PIEZO2: variants seen among roughly 807,000 people sequenced by gnomAD.
PIEZO2 encodes the protein piezo type mechanosensitive ion channel component 2.
Under a neutral mutation model 337.3 loss-of-function variants are expected in PIEZO2, and 172 were observed. The observed-to-expected ratio is 0.51, with a 90% CI of 0.45 to 0.58. The LOEUF is 0.58. Among genes scored for constraint, PIEZO2 ranks in the 20% least tolerant of loss-of-function variants. The probability of loss-of-function intolerance (pLI) is 0.00; values close to 1 mark genes in which losing one functional copy is unlikely to be tolerated. For missense variants in PIEZO2, 3,028 were observed against 3,391.3 expected (o/e 0.89, Z 2.66); for synonymous variants, 1,251 against 1,228.5 (o/e 1.02, Z -0.38).
chr18:11,096,569 T>A lies in PIEZO2; in HGVS notation c.65-30347A>T, dbSNP rs891964886. On this transcript the variant is annotated intron_variant, in intron 1 of 55. Transcript: ENST00000674853. This position sits in a 1 kb window ranked among gnomAD's most constrained non-coding sequence, Gnocchi z 4.6. ...ATTCCCAGTTCTTTTCTGCAGGGATTTCCAAGAGAAACAGGAAGTGGTTGA... is the reference window on the plus strand; with the variant it reads ...ATTCCCAGTTCTTTTCTGCAGGGATATCCAAGAGAAACAGGAAGTGGTTGA... 6.6e-6 allele frequency among the ~76,000 whole-genome samples: 1 copy of A among 152,170 alleles called. No individual in the cohort carries two copies. The highest frequency in any genetic ancestry group is 1.5e-5 in the Non-Finnish European group (1 of 68,040).
At position 10,714,774 on chromosome 18, in the gene PIEZO2, T is replaced by C. The variant is rs1461910282; in HGVS notation, c.5413A>G (p.Ser1805Gly). 6 of 1,537,046 alleles carry C rather than the reference T, an allele frequency of 3.9e-6. No homozygotes were observed. Among genetic ancestry groups the C allele is most frequent in the Non-Finnish European group, 5.2e-6 (6 of 1,146,870 alleles). ...HRMDSLDSHD[S>G]ISSCYTEATM... ...TAGAAAGTGAAATACCTGGAGATAC[T>C]GTCATGTGAATCTAAACTATCCATC... Residue 1805 changes from serine (S) to glycine (G), a missense_variant, in exon 39 of 56, where the codon AGT becomes GGT. By Grantham distance (56) the Ser-to-Gly change is moderately conservative. Around this residue, in one of 5 missense-constraint regions of PIEZO2, gnomAD observed 1,925 missense variants for 2,051.9 expected, o/e 0.94. Coordinates refer to ENST00000674853, the MANE Select transcript of PIEZO2 (RefSeq NM_001378183.1).
In PIEZO2 at chr18:11,109,609, A is replaced by T. The variant is rs11080491; in HGVS notation, c.64+38916T>A. ...GGCATGCACCTGTAATCCCAGCTAC[A>T]CCGGAGGCTGAGGCAAGAGAATTGT... is the stretch of plus-strand genomic sequence containing the variant. On this transcript the variant is annotated intron_variant, in intron 1 of 55. Transcript: ENST00000674853. This position sits in a 1 kb window ranked among gnomAD's most constrained non-coding sequence, Gnocchi z 5.1. 0.59 allele frequency among the ~76,000 whole-genome samples: 89,123 copies of T among 151,748 alleles called. 26,760 individuals are homozygous for T. Among genetic ancestry groups the T allele is most frequent in the African/African-American group, 0.71 (29,509 of 41,368 alleles).
intron 47 of PIEZO2, among the ~76,000 whole-genome samples, chr18:10,695,002 C>T (rs1011155933): frequency 1.3e-5 from 2 of 152,214 alleles, no homozygotes; most frequent in African/African-American, 2.4e-5. Context: ...TGCTTGTGTA[C>T]ATAAAATCAG....
intron 1 of PIEZO2, among the ~76,000 whole-genome samples, chr18:11,144,507 G>C (rs1004415870): frequency 6.6e-6 from 1 of 152,110 alleles, no homozygotes; most frequent in Non-Finnish European, 1.5e-5. Context: ...GTGTGGAAGT[G>C]TGATTTCAAA....
chr18:11,054,826 G>C (rs1205622696), intron 2 of PIEZO2, among the ~76,000 whole-genome samples: 1 of 152,214 alleles, frequency 6.6e-6, no homozygotes, highest in Non-Finnish European at 1.5e-5. Flanking sequence ...GCATGGATGA[G>C]ATGATCCTGG....
At chr18:11,134,254 G>T (rs978467459) in intron 1 of PIEZO2, among the ~76,000 whole-genome samples, 2 of 152,180 alleles carry the variant, frequency 1.3e-5, no homozygotes, top group Non-Finnish European at 2.9e-5. Context: ...CCACTATGCT[G>T]CTGCTACACC....
Position 10,856,064 on chromosome 18 carries a change from A to C in PIEZO2, c.704-498T>G, listed in dbSNP as rs545977474. On this transcript the variant is annotated intron_variant, in intron 6 of 55. Transcript: ENST00000674853. This position sits in a 1 kb window ranked among gnomAD's most constrained non-coding sequence, Gnocchi z 4.7. ...ATTTTATTTTATTTTGTTTTGTTTT[A>C]TTTTATTTTATTTTTTGTAGGGATG... Among the ~76,000 whole-genome samples the C allele has an allele frequency of 6.7e-6, 1 of 148,776 alleles. No individual in the cohort carries two copies. The highest frequency in any genetic ancestry group is 1.5e-5 in the Non-Finnish European group (1 of 67,214).
Position 10,691,384 on chromosome 18 carries a change from C to T in PIEZO2, c.7191-1G>A. ...GGCAACCAGGTTCTGGCTGAATTTC[C>T]TAAAATGTAAAAGTACAGAAAGTGA... On this transcript the variant is annotated splice_acceptor_variant, in intron 47 of 55. Coordinates refer to ENST00000674853, the MANE Select transcript of PIEZO2 (RefSeq NM_001378183.1). LOFTEE classifies it high-confidence loss of function. The T allele has an allele frequency of 6.2e-7, 1 of 1,611,722 alleles. No individual in the cohort carries two copies. Among genetic ancestry groups the T allele is most frequent in the Non-Finnish European group, 8.5e-7 (1 of 1,179,074 alleles).
In PIEZO2 at chr18:10,962,465, G is replaced by A. The variant is rs1341545962; in HGVS notation, c.286+17070C>T. 6.6e-6 allele frequency among the ~76,000 whole-genome samples: 1 copy of A among 152,266 alleles called. No homozygotes were observed. The highest frequency in any genetic ancestry group is 1.5e-5 in the Non-Finnish European group (1 of 68,022). ...ATCCCAGGAGCTGCACGCAGGGCTCGCTCCTTGCTCCTTGGTGTAGAGTTC... is the reference window on the plus strand; with the variant it reads ...ATCCCAGGAGCTGCACGCAGGGCTCACTCCTTGCTCCTTGGTGTAGAGTTC... On this transcript the variant is annotated intron_variant, in intron 3 of 55. Transcript: ENST00000674853. This position sits in a 1 kb window ranked among gnomAD's most constrained non-coding sequence, Gnocchi z 4.1.
chr18:10,879,562 AT>A (rs1232476729), intron 4 of PIEZO2, among the ~76,000 whole-genome samples: 9 of 151,824 alleles, frequency 5.9e-5, no homozygotes, highest in South Asian at 2.1e-4. Flanking sequence ...CGCCTGGCTA[AT>A]TTTTTGTATT....
Position 11,002,904 on chromosome 18 carries a change from T to C in PIEZO2, c.161-23244A>G, listed in dbSNP as rs891393470. On this transcript the variant is annotated intron_variant, in intron 2 of 55. Coordinates refer to ENST00000674853, the MANE Select transcript of PIEZO2 (RefSeq NM_001378183.1). This position sits in a 1 kb window ranked among gnomAD's most constrained non-coding sequence, Gnocchi z 4.3. ...AGAACAGACCAATAGAAACATCCAA[T>C]GGGGATGTAAAGAATTTTCTTTAGT... is the stretch of plus-strand genomic sequence containing the variant. Among the ~76,000 whole-genome samples, 2 of 152,192 alleles carry C rather than the reference T, an allele frequency of 1.3e-5. No individual in the cohort carries two copies. The highest frequency in any genetic ancestry group is 4.8e-5 in the African/African-American group (2 of 41,448).
intron 2 of PIEZO2, among the ~76,000 whole-genome samples, chr18:10,987,294 T>C (rs2034912014): frequency 6.6e-6 from 1 of 152,084 alleles, no homozygotes; most frequent in African/African-American, 2.4e-5. Flanking sequence ...CATCACACTT[T>C]CTGATTTCAA....
At chr18:10,981,884 C>T (rs2034680352) in intron 2 of PIEZO2, among the ~76,000 whole-genome samples, 2 of 152,178 alleles carry the variant, frequency 1.3e-5, no homozygotes, top group African/African-American at 4.8e-5. Context: ...AGCTTTTGGA[C>T]TCCTGGACCC....
intron 8 of PIEZO2, among the ~76,000 whole-genome samples, chr18:10,806,439 C>G (rs78118631): frequency 6.6e-6 from 1 of 152,178 alleles, no homozygotes; most frequent in East Asian, 1.9e-4. Flanking sequence ...TCAGTCCTCC[C>G]CTCAGAAATG....
At chr18:10,788,922 AT>A (rs1334178234) in intron 15 of PIEZO2, among the ~76,000 whole-genome samples, 156 bp downstream of exon 15, 3 of 152,198 alleles carry the variant, frequency 2.0e-5, no homozygotes, top group Non-Finnish European at 4.4e-5. Flanking sequence ...GAAGACAGTC[AT>A]TTCCCATTTT....
chr18:11,045,057 A>T (rs1246059467), intron 2 of PIEZO2, among the ~76,000 whole-genome samples: 2 of 151,994 alleles, frequency 1.3e-5, no homozygotes, highest in Admixed American at 6.6e-5. Context: ...GCACTTTGGG[A>T]GGCCAAAGTG....
In PIEZO2 at chr18:10,916,511, A is replaced by G. The variant is rs372490404; in HGVS notation, c.287-5283T>C. 3.2e-3 allele frequency among the ~76,000 whole-genome samples: 488 copies of G among 152,226 alleles called. 4 individuals carry two copies. Among genetic ancestry groups the G allele is most frequent in the African/African-American group, 0.01 (418 of 41,550 alleles). ...TGCTGGGGGACCCAGTTCCCCCTCCACACCTGCTGGCCCGAGTGCTAAGCC... is the reference window on the plus strand; with the variant it reads ...TGCTGGGGGACCCAGTTCCCCCTCCGCACCTGCTGGCCCGAGTGCTAAGCC... On this transcript the variant is annotated intron_variant, in intron 3 of 55. Transcript: ENST00000674853.
intron 1 of PIEZO2, among the ~76,000 whole-genome samples, chr18:11,142,094 C>T (rs184587434): frequency 6.6e-6 from 1 of 152,272 alleles, no homozygotes; most frequent in Admixed American, 6.5e-5. Flanking sequence ...AATAGCAAGT[C>T]ATAATCAGAA....
intron 27 of PIEZO2, among the ~76,000 whole-genome samples, chr18:10,756,520 A>G (rs2037859218): frequency 6.8e-6 from 1 of 146,670 alleles, no homozygotes; most frequent in African/African-American, 2.5e-5. Context: ...ATGAGGAGGA[A>G]GGAAGGATGA....
Sources: allele counts gnomAD v4.1 joint callset (sites outside exome capture counted in the v4.1 genomes callset), GRCh38; gene constraint gnomAD v4.1.1; regional missense constraint gnomAD v4.1.1; non-coding constraint Gnocchi (gnomAD v3.1); transcripts MANE v1.5; gene names NCBI Gene and HGNC (gene_info 2026-07-23, HGNC 2026-07-21).